The following WSCD1 variants were observed in gnomAD, a reference collection of about 807,000 sequenced individuals.
WSCD1 encodes the protein WSC domain sialate O sulfotransferase 1, also known as sialate:O-sulfotransferase 1.
In WSCD1, 41 loss-of-function variants were observed where a neutral mutation model predicts 60.4. The observed-to-expected ratio is 0.68, with a 90% CI of 0.53 to 0.88. The LOEUF is 0.88. Ranked by LOEUF, WSCD1 falls within the 40% of genes least tolerant of loss-of-function variation. The probability of loss-of-function intolerance (pLI) is 0.00; values close to 1 mark genes in which losing one functional copy is unlikely to be tolerated. For missense variants in WSCD1, 784 were observed against 796.2 expected (o/e 0.98, Z 0.18); for synonymous variants, 361 against 332.5 (o/e 1.09, Z -0.93).
At chr17:6,091,963 T>C (rs995571394) in intron 4 of WSCD1, among the ~76,000 whole-genome samples, 10 of 152,138 alleles carry the variant, frequency 6.6e-5, no homozygotes, top group African/African-American at 1.7e-4. Flanking sequence ...GAGACCAGCC[T>C]GACCAACATG....
intron 5 of WSCD1, among the ~76,000 whole-genome samples, chr17:6,105,277 G>A (rs993878574): frequency 2.0e-5 from 3 of 152,148 alleles, no homozygotes; most frequent in African/African-American, 4.8e-5. Flanking sequence ...TTCTGCCCTC[G>A]GACACAGGCT....
rs1005446596 is a variant in WSCD1 at position 6,075,552 on chromosome 17, G to A, written c.-288-4819G>A. Reference sequence around the variant, plus strand: ...AAAGTAATAGACAAAAGCTCAGGTTGTCTGAATATCCAGGTGCTCTGGGCT... The same window carrying A: ...AAAGTAATAGACAAAAGCTCAGGTTATCTGAATATCCAGGTGCTCTGGGCT... On this transcript the variant is annotated intron_variant, in intron 1 of 8. Coordinates refer to ENST00000317744, the MANE Select transcript of WSCD1 (RefSeq NM_015253.2). This position sits in a 1 kb window ranked among gnomAD's most constrained non-coding sequence, Gnocchi z 4.1. Among the ~76,000 whole-genome samples the A allele has an allele frequency of 6.6e-6, 1 of 152,130 alleles. No homozygotes were observed. The highest frequency in any genetic ancestry group is 1.5e-5 in the Non-Finnish European group (1 of 68,020).
chr17:6,097,738 G>A (rs1357807531), intron 5 of WSCD1, among the ~76,000 whole-genome samples: 2 of 152,152 alleles, frequency 1.3e-5, no homozygotes, highest in African/African-American at 4.8e-5. Context: ...AAGACTGAGT[G>A]TCTTTATCAT....
rs1904884821 is a variant in WSCD1 at position 6,124,392 on chromosome 17, T to G, written c.*3731T>G. 6.6e-6 allele frequency: 1 copy of G among 152,240 alleles called. No homozygotes were observed. Among genetic ancestry groups the G allele is most frequent in the Non-Finnish European group, 1.5e-5 (1 of 68,040 alleles). The allele number at this position is 152,240 out of a possible 1,614,324, so 9.4% of individuals were successfully genotyped here. A position where few individuals can be genotyped will look rare whatever the true frequency, so the allele number is the denominator to read the frequency against. On this transcript the variant is annotated 3_prime_UTR_variant, in exon 9 of 9. Transcript: ENST00000317744. ...ATTGGCCTTACCTCTGGACTTTTTTTGTTATATGAGCTAATAAATTCTGTT... is the reference window on the plus strand; with the variant it reads ...ATTGGCCTTACCTCTGGACTTTTTTGGTTATATGAGCTAATAAATTCTGTT...
chr17:6,087,938 T>C, intron 2 of WSCD1, 52 bp from the exon 3 acceptor site: 5 of 1,455,034 alleles, frequency 3.4e-6, no homozygotes, highest in Non-Finnish European at 4.8e-6. Context: ...TTCCTAAGGG[T>C]GGGCCCATGA....
rs567568899 is a variant in WSCD1 at position 6,101,044 on chromosome 17, C to T, written c.849+5821C>T. Among the ~76,000 whole-genome samples, 5 of 152,312 alleles carry T rather than the reference C, an allele frequency of 3.3e-5. No homozygotes were observed. In the East Asian group the frequency reaches 9.7e-4, roughly 29 times the overall value. ...TTTGCAGGGAATGGTATCCTCTCTT[C>T]CCTCCTGAATGTTGAGGGTGGCGAG... On this transcript the variant is annotated intron_variant, in intron 5 of 8. Transcript: ENST00000317744. The surrounding 1 kb of genome is among the most constrained non-coding windows in gnomAD (Gnocchi z 4.1).
chr17:6,110,772 C>T lies in WSCD1; in HGVS notation c.1011C>T (p.Asp337=), dbSNP rs747558340. The T allele has an allele frequency of 5.6e-6, 9 of 1,607,268 alleles. No homozygotes were observed. The South Asian group carries it at 9.9e-5, about 18-fold the overall frequency. ...CCGTGATGACTTTTGGACTTTCAGACACTCGTTGTACAGACAGGAGGTTCC... is the reference window on the plus strand; with the variant it reads ...CCGTGATGACTTTTGGACTTTCAGATACTCGTTGTACAGACAGGAGGTTCC... ...YCEVYQTPVQ[D]TRCTDRRFLP... is the part of the protein sequence containing the mutation. Residue 337 remains aspartate (D), a splice_region_variant and synonymous_variant, in exon 7 of 9, where the codon GAC becomes GAT. Transcript: ENST00000317744. This position sits in a 1 kb window ranked among gnomAD's most constrained non-coding sequence, Gnocchi z 4.8.
At chr17:6,097,468 G>A (rs1910515612) in intron 5 of WSCD1, among the ~76,000 whole-genome samples, 1 of 152,172 alleles carries the variant, frequency 6.6e-6, no homozygotes, top group Admixed American at 6.5e-5. Flanking sequence ...CCCGCAGCCG[G>A]GCAGGAGCTG....
At chr17:6,103,010 C>A (rs1910890617) in intron 5 of WSCD1, among the ~76,000 whole-genome samples, 1 of 152,152 alleles carries the variant, frequency 6.6e-6, no homozygotes. Context: ...GGAAGTGTGT[C>A]TTCTAGCCTC....
intron 5 of WSCD1, among the ~76,000 whole-genome samples, chr17:6,098,983 AG>A (rs1363921854): frequency 1.6e-4 from 24 of 152,206 alleles, no homozygotes; most frequent in African/African-American, 5.5e-4. Context: ...GAGGGGATTA[AG>A]GAGTGTGTTC....
chr17:6,124,278 G>A lies in WSCD1; in HGVS notation c.*3617G>A, dbSNP rs533555978. The A allele has an allele frequency of 6.6e-6, 1 of 152,330 alleles. No individual in the cohort carries two copies. The highest frequency in any genetic ancestry group is 1.9e-4 in the East Asian group (1 of 5,188). 9.4% of individuals were successfully genotyped at this position (152,330 alleles called of 1,614,324 possible). A position where few individuals can be genotyped will look rare whatever the true frequency, so the allele number is the denominator to read the frequency against. On this transcript the variant is annotated 3_prime_UTR_variant, in exon 9 of 9. Transcript: ENST00000317744. ...GGATCATGACCAGGAATCACGTGAAGCTGACACCACTGAAGGGAGAGTTGA... is the reference window on the plus strand; with the variant it reads ...GGATCATGACCAGGAATCACGTGAAACTGACACCACTGAAGGGAGAGTTGA...
intron 5 of WSCD1, among the ~76,000 whole-genome samples, chr17:6,108,573 T>A (rs1911234609): frequency 6.6e-6 from 1 of 152,206 alleles, no homozygotes; most frequent in African/African-American, 2.4e-5. Context: ...AGGTCGAGAA[T>A]GACCTCTTCC....
intron 5 of WSCD1, among the ~76,000 whole-genome samples, chr17:6,109,248 A>C (rs1911268139): frequency 6.6e-6 from 1 of 152,092 alleles, no homozygotes; most frequent in Non-Finnish European, 1.5e-5. Flanking sequence ...GGCACTCCTG[A>C]CAAATGCCTT....
chr17:6,093,917 G>T (rs1910216265), intron 4 of WSCD1, among the ~76,000 whole-genome samples: 1 of 152,220 alleles, frequency 6.6e-6, no homozygotes, highest in Non-Finnish European at 1.5e-5. Context: ...GCCCTAATAG[G>T]TCGTGCCCTG....
At chr17:6,114,062 A>G (rs1456684931) in intron 7 of WSCD1, among the ~76,000 whole-genome samples, 2 of 151,906 alleles carry the variant, frequency 1.3e-5, no homozygotes, top group Non-Finnish European at 2.9e-5. Flanking sequence ...ACAGCACCAT[A>G]CACAATAGCC....
chr17:6,091,533 A>G (rs1224901602), intron 4 of WSCD1, among the ~76,000 whole-genome samples: 2 of 152,180 alleles, frequency 1.3e-5, no homozygotes, highest in Non-Finnish European at 2.9e-5. Context: ...GCCCAGCTCA[A>G]AGGAGGAATG....
chr17:6,095,281 G>C, intron 5 of WSCD1, 58 bp downstream of exon 5: 1 of 1,555,684 alleles, frequency 6.4e-7, no homozygotes, highest in East Asian at 2.4e-5. Flanking sequence ...GTGGTCCTGA[G>C]AGAGGGGGGC....
Position 6,101,043 on chromosome 17 carries a change from T to C in WSCD1, c.849+5820T>C, listed in dbSNP as rs1199346099. Among the ~76,000 whole-genome samples, 1 of 152,112 alleles carries C rather than the reference T, an allele frequency of 6.6e-6. No homozygotes were observed. The highest frequency in any genetic ancestry group is 6.5e-5 in the Admixed American group (1 of 15,276). On this transcript the variant is annotated intron_variant, in intron 5 of 8. Transcript: ENST00000317744. The surrounding 1 kb of genome is among the most constrained non-coding windows in gnomAD (Gnocchi z 4.1). The stretch of plus-strand genomic sequence containing the variant: ...CTTTGCAGGGAATGGTATCCTCTCT[T>C]CCCTCCTGAATGTTGAGGGTGGCGA...
chr17:6,082,122 T>G (rs1439563554), intron 2 of WSCD1, among the ~76,000 whole-genome samples: 1 of 152,188 alleles, frequency 6.6e-6, no homozygotes, highest in Non-Finnish European at 1.5e-5. Flanking sequence ...TTTACAGGTA[T>G]TATTATTATA....
Sources: gnomAD v4.1 joint callset for allele counts (sites outside exome capture counted in the v4.1 genomes callset) on GRCh38, gnomAD v4.1.1 for gene constraint, Gnocchi (gnomAD v3.1) non-coding constraint, MANE v1.5 for transcripts, NCBI Gene and HGNC (gene_info 2026-07-23, HGNC 2026-07-21) for gene names.